Variants in TENM2 observed in about 807,000 individuals in gnomAD.
TENM2 encodes teneurin-2.
Under a neutral mutation model 245.2 loss-of-function variants are expected in TENM2, and 52 were observed. The ratio of observed to expected loss-of-function variants is 0.21; its 90% CI spans 0.17 to 0.27. The LOEUF is 0.27. Among genes scored for constraint, TENM2 ranks in the 10% least tolerant of loss-of-function variants. The pLI is 1.00. For missense variants in TENM2, 3,046 were observed against 3,666.8 expected (o/e 0.83, Z 4.37); for synonymous variants, 1,363 against 1,438.9 (o/e 0.95, Z 1.19).
chr5:167,924,831 C>T (rs555024723), intron 3 of TENM2, among the ~76,000 whole-genome samples: 5 of 152,138 alleles, frequency 3.3e-5, no homozygotes, highest in African/African-American at 1.2e-4. Flanking sequence ...AGGGAAAAAA[C>T]ACTTAGGTAT....
intron 2 of TENM2, among the ~76,000 whole-genome samples, chr5:167,710,881 G>T (rs1408694881): frequency 6.6e-6 from 1 of 152,138 alleles, no homozygotes; most frequent in East Asian, 1.9e-4. Flanking sequence ...TAGTTACTGC[G>T]GTAATCTAGG....
intron 2 of TENM2, among the ~76,000 whole-genome samples, chr5:167,740,499 CCTT>C (rs1761107448): frequency 1.3e-5 from 2 of 152,168 alleles, no homozygotes; most frequent in African/African-American, 2.4e-5. Context: ...TTTCAATTCT[CCTT>C]CTTCTAGGAT....
At chr5:168,146,110 A>G (rs575044093) in intron 12 of TENM2, among the ~76,000 whole-genome samples, 1,574 of 151,266 alleles carry the variant, frequency 0.01, 38 homozygotes, top group African/African-American at 0.036. Context: ...TAGGTATACA[A>G]TCATGTCGTC....
chr5:167,266,943 G>A, the TENM2 span, among the ~76,000 whole-genome samples: 6 of 152,242 alleles, frequency 3.9e-5, no homozygotes, highest in South Asian at 2.1e-4. Context: ...GACACATGTC[G>A]TTCTATGTGT....
intron 1 of TENM2, among the ~76,000 whole-genome samples, chr5:167,314,586 G>A (rs1203255243): frequency 2.0e-5 from 3 of 152,108 alleles, no homozygotes; most frequent in African/African-American, 7.2e-5. Context: ...CTTTACATAA[G>A]ATGAGATGGA....
At chr5:167,224,110 G>A in the TENM2 span, among the ~76,000 whole-genome samples, 1 of 152,078 alleles carries the variant, frequency 6.6e-6, no homozygotes, top group African/African-American at 2.4e-5. Context: ...TGGATGAGTA[G>A]TTCACAAATT....
chr5:167,031,652 C>T, the TENM2 span, among the ~76,000 whole-genome samples: 5 of 152,136 alleles, frequency 3.3e-5, no homozygotes, highest in African/African-American at 1.2e-4. Flanking sequence ...GCAATCCCCG[C>T]CTCCTGGGTT....
chr5:167,358,213 C>A (rs1759469037), intron 1 of TENM2, among the ~76,000 whole-genome samples: 1 of 152,120 alleles, frequency 6.6e-6, no homozygotes, highest in Non-Finnish European at 1.5e-5. Flanking sequence ...CTTCTGATTA[C>A]TCTCCCCCAT....
chr5:168,069,123 T>C (rs1790761633), intron 7 of TENM2, among the ~76,000 whole-genome samples: 1 of 152,228 alleles, frequency 6.6e-6, no homozygotes, highest in African/African-American at 2.4e-5. Flanking sequence ...ATTCCACTCC[T>C]GATTTTACAT....
At chr5:167,337,160 A>T (rs1757825590) in intron 1 of TENM2, among the ~76,000 whole-genome samples, 1 of 150,104 alleles carries the variant, frequency 6.7e-6, no homozygotes, top group Non-Finnish European at 1.5e-5. Context: ...AAAATCAAAA[A>T]TCTGAAACTC....
At chr5:167,293,368 ATTTT>A (rs199972172) in intron 1 of TENM2, among the ~76,000 whole-genome samples, 2 of 130,542 alleles carry the variant, frequency 1.5e-5, no homozygotes, top group African/African-American at 5.8e-5. Flanking sequence ...TGTCCGGCTA[ATTTT>A]TTTTTTTTTT....
intron 2 of TENM2, among the ~76,000 whole-genome samples, chr5:167,602,068 C>T (rs1038693291): frequency 2.7e-5 from 4 of 150,758 alleles, no homozygotes; most frequent in African/African-American, 9.8e-5. Context: ...TGCCAGGAAA[C>T]GTGGGAAGGT....
intron 2 of TENM2, among the ~76,000 whole-genome samples, chr5:167,855,837 G>GGGAA (rs1444154865): frequency 2.6e-5 from 3 of 113,994 alleles, no homozygotes; most frequent in Non-Finnish European, 3.8e-5. Context: ...GAGGGAGAGA[G>GGGAA]GGAGGGAGGG....
intron 2 of TENM2, among the ~76,000 whole-genome samples, chr5:167,609,517 ACC>A (rs1261227341): frequency 2.9e-3 from 326 of 114,294 alleles, no homozygotes; most frequent in East Asian, 8.5e-3. Flanking sequence ...AAAAAACAAA[ACC>A]TTACCTAGAA....
At chr5:167,812,694 T>A (rs1054670411) in intron 2 of TENM2, among the ~76,000 whole-genome samples, 7 of 152,124 alleles carry the variant, frequency 4.6e-5, no homozygotes, top group African/African-American at 1.7e-4. Flanking sequence ...AACTCCTTCT[T>A]CTCCAGGCTT....
At chr5:168,113,038 T>G (rs980711401) in intron 9 of TENM2, among the ~76,000 whole-genome samples, 5 of 152,328 alleles carry the variant, frequency 3.3e-5, no homozygotes, top group African/African-American at 1.2e-4. Flanking sequence ...AGACTTCAGC[T>G]GGGTGTAGTG....
At position 167,351,530 on chromosome 5, in the gene TENM2, A is replaced by G. The variant is rs1758913175; in HGVS notation, c.227-23668A>G. 2.0e-5 allele frequency among the ~76,000 whole-genome samples: 3 copies of G among 152,208 alleles called. No individual in the cohort carries two copies. In the South Asian group the frequency reaches 6.2e-4, roughly 31 times the overall value. ...CAGGGCATAGCCACTTTGCAGTGAC[A>G]GTTCTATGGAAAGGGAAGCACTAAT... On this transcript the variant is annotated intron_variant, in intron 1 of 28. Transcript: ENST00000518659.
At chr5:167,279,526 C>CTTCCTTCCTTCT in the TENM2 span, among the ~76,000 whole-genome samples, 2 of 130,796 alleles carry the variant, frequency 1.5e-5, no homozygotes, top group African/African-American at 3.3e-5. Context: ...TCCTTCCTTC[C>CTTCCTTCCTTCT]TTCCTTCCTT....
chr5:167,903,079 C>A (rs116295211), intron 3 of TENM2, among the ~76,000 whole-genome samples: 3 of 152,102 alleles, frequency 2.0e-5, no homozygotes, highest in African/African-American at 7.2e-5. Flanking sequence ...ACTTTGTACC[C>A]CATGAATATG....
Sources: allele counts gnomAD v4.1 joint callset (sites outside exome capture counted in the v4.1 genomes callset), GRCh38; gene constraint gnomAD v4.1.1; transcripts MANE v1.5; gene names NCBI Gene and HGNC (gene_info 2026-07-23, HGNC 2026-07-21).